CSMD3: variants seen among roughly 807,000 people sequenced by gnomAD.
CSMD3 encodes the protein CUB and Sushi multiple domains 3.
A neutral mutation model predicts 435.2 loss-of-function variants in CSMD3; 177 were observed. The observed-to-expected ratio is 0.41, with a 90% CI of 0.36 to 0.46. CSMD3 has a LOEUF of 0.46. Among genes scored for constraint, CSMD3 ranks in the 20% least tolerant of loss-of-function variants. The pLI, the probability that CSMD3 is intolerant of heterozygous loss-of-function variation, is 0.34. For missense variants in CSMD3, 4,265 were observed against 4,504.6 expected (o/e 0.95, Z 1.52); for synonymous variants, 1,656 against 1,520.5 (o/e 1.09, Z -2.07).
At chr8:112,901,279 C>T (rs933938574) in intron 10 of CSMD3, among the ~76,000 whole-genome samples, 1 of 151,262 alleles carries the variant, frequency 6.6e-6, no homozygotes, top group Non-Finnish European at 1.5e-5. Flanking sequence ...TTATGGCAAT[C>T]ATAGGTCCAT....
At chr8:113,112,500 CACTT>C (rs2090691018) in intron 4 of CSMD3, among the ~76,000 whole-genome samples, 1 of 141,368 alleles carries the variant, frequency 7.1e-6, no homozygotes. Context: ...CACACACACA[CACTT>C]GTGAGTGTCC....
At chr8:113,096,763 A>T (rs2090175001) in intron 5 of CSMD3, among the ~76,000 whole-genome samples, 1 of 151,894 alleles carries the variant, frequency 6.6e-6, no homozygotes, top group Non-Finnish European at 1.5e-5. Flanking sequence ...AATAAGGCCC[A>T]CTCTGCTTTA....
intron 5 of CSMD3, among the ~76,000 whole-genome samples, chr8:113,025,307 A>G (rs2086835738): frequency 6.6e-6 from 1 of 152,086 alleles, no homozygotes; most frequent in Non-Finnish European, 1.5e-5. Context: ...GTGGTTTAGT[A>G]GGGTGTTTTG....
Position 112,638,793 on chromosome 8 carries a change from T to A in CSMD3, c.3429A>T (p.Pro1143=). 6.2e-7 allele frequency: 1 copy of A among 1,612,838 alleles called. No individual in the cohort carries two copies. Among genetic ancestry groups the A allele is most frequent in the Non-Finnish European group, 8.5e-7 (1 of 1,179,092 alleles). The change falls in exon 21 of 71, where the codon CCA becomes CCT. Residue 1143 remains proline, a synonymous_variant. Transcript: ENST00000297405. ...TTCCATAGAGACCAGCATTGATTGT[T>A]GGAGGAAGATCTGAACCAGTCAGGC... ...LARLTGSDLP[P]TINAGLYGNF... is the part of the protein sequence containing the mutation.
intron 3 of CSMD3, among the ~76,000 whole-genome samples, chr8:113,223,760 GTA>G (rs5894132): frequency 0.31 from 39,878 of 129,706 alleles, 5,485 homozygotes; most frequent in African/African-American, 0.42. Context: ...TTATGTGTGT[GTA>G]TGTGTGTGTG....
At position 112,612,709 on chromosome 8, in the gene CSMD3, C is replaced by CTT. The variant is rs532290154; in HGVS notation, c.3715+24106_3715+24107dup. 2.5e-3 allele frequency among the ~76,000 whole-genome samples: 168 copies of CTT among 65,884 alleles called. 18 individuals carry two copies. Among genetic ancestry groups the CTT allele is most frequent in the Non-Finnish European group, 3.3e-3 (121 of 36,188 alleles). The allele number at this position is 65,884 out of a possible 152,430, so 43.2% of individuals were successfully genotyped here. ...TTTCTGAACTCTTTCTTTCTTTGTT[C>CTT]TTTTTTTTTTTTTTTTTTTTTTTTT... is the stretch of plus-strand genomic sequence containing the variant. On this transcript the variant is annotated intron_variant, in intron 22 of 70. Transcript: ENST00000297405.
intron 3 of CSMD3, among the ~76,000 whole-genome samples, chr8:113,181,361 CT>C (rs2092419636): frequency 6.6e-6 from 1 of 152,004 alleles, no homozygotes; most frequent in Non-Finnish European, 1.5e-5. Flanking sequence ...TAATGTCATT[CT>C]GTTTTCATAT....
intron 22 of CSMD3, among the ~76,000 whole-genome samples, chr8:112,616,674 G>A (rs1833686808): frequency 6.6e-6 from 1 of 152,050 alleles, no homozygotes; most frequent in African/African-American, 2.4e-5. Context: ...CAAGATCAGC[G>A]TAATGTCAGT....
At chr8:113,335,062 G>A (rs1563714833) in intron 1 of CSMD3, among the ~76,000 whole-genome samples, 2 of 152,006 alleles carry the variant, frequency 1.3e-5, no homozygotes, top group African/African-American at 4.8e-5. Flanking sequence ...CCTTGATACT[G>A]TCCTAGCGAT....
chr8:112,438,901 T>G (rs1287000940), intron 32 of CSMD3, among the ~76,000 whole-genome samples: 1 of 152,212 alleles, frequency 6.6e-6, no homozygotes, highest in Non-Finnish European at 1.5e-5. Context: ...TTCTGAATCT[T>G]TTCCAAAGTA....
chr8:113,255,131 A>G (rs1242461512), intron 3 of CSMD3, among the ~76,000 whole-genome samples: 1 of 152,152 alleles, frequency 6.6e-6, no homozygotes, highest in African/African-American at 2.4e-5. Flanking sequence ...GACATGATAT[A>G]GTTTTTAGTG....
chr8:113,219,116 T>C (rs1333459955), intron 3 of CSMD3, among the ~76,000 whole-genome samples: 2 of 151,328 alleles, frequency 1.3e-5, no homozygotes, highest in African/African-American at 4.8e-5. Flanking sequence ...AAAATCAATA[T>C]CTTATTTAAA....
chr8:113,217,560 T>A (rs1171363734), intron 3 of CSMD3, among the ~76,000 whole-genome samples: 1 of 151,664 alleles, frequency 6.6e-6, no homozygotes, highest in African/African-American at 2.4e-5. Context: ...AAATTAACTA[T>A]CTGAAATGAA....
chr8:113,379,212 T>A (rs1054936733), intron 1 of CSMD3, among the ~76,000 whole-genome samples: 4 of 152,104 alleles, frequency 2.6e-5, no homozygotes, highest in Non-Finnish European at 5.9e-5. Context: ...AAACAAACCA[T>A]GCTATTATTG....
intron 16 of CSMD3, among the ~76,000 whole-genome samples, chr8:112,681,803 G>A (rs975432242): frequency 3.9e-5 from 6 of 152,138 alleles, no homozygotes; most frequent in Non-Finnish European, 7.4e-5. Flanking sequence ...GGAGGCAGAG[G>A]TTGCAGTGAG....
At chr8:113,409,759 C>T (rs762733252) in intron 1 of CSMD3, among the ~76,000 whole-genome samples, 23 of 152,154 alleles carry the variant, frequency 1.5e-4, no homozygotes, top group Middle Eastern at 3.4e-3. Flanking sequence ...TTATATTGAC[C>T]TATTTGTGTT....
At chr8:112,936,685 G>A (rs1048765476) in intron 9 of CSMD3, among the ~76,000 whole-genome samples, 5 of 151,804 alleles carry the variant, frequency 3.3e-5, no homozygotes, top group Non-Finnish European at 7.4e-5. Context: ...ATTACTCTTG[G>A]TATACCCAAA....
chr8:113,405,885 A>G (rs1249589986), intron 1 of CSMD3, among the ~76,000 whole-genome samples: 2 of 151,860 alleles, frequency 1.3e-5, no homozygotes, highest in Non-Finnish European at 3.0e-5. Context: ...ATTCATGATT[A>G]AAAGGAACTT....
chr8:113,176,228 G>T (rs764444086), intron 3 of CSMD3, among the ~76,000 whole-genome samples: 1 of 152,114 alleles, frequency 6.6e-6, no homozygotes, highest in Non-Finnish European at 1.5e-5. Context: ...GTTTGTGCCT[G>T]TTTATCATCT....
Sources: allele counts gnomAD v4.1 joint callset (sites outside exome capture counted in the v4.1 genomes callset), GRCh38; gene constraint gnomAD v4.1.1; transcripts MANE v1.5; gene names NCBI Gene and HGNC (gene_info 2026-07-23, HGNC 2026-07-21).